Variants in COL4A6 observed in about 807,000 individuals in gnomAD.
The protein encoded by COL4A6 is collagen type IV alpha 6 chain, also known as collagen alpha-6(IV) chain.
COL4A6 carries 59 observed loss-of-function variants against 126.7 expected under a neutral mutation model. The observed-to-expected ratio is 0.47, with a 90% CI of 0.38 to 0.58. The LOEUF is 0.58. Among genes scored for constraint, COL4A6 ranks in the 20% least tolerant of loss-of-function variants. The pLI, the probability that COL4A6 is intolerant of heterozygous loss-of-function variation, is 0.00. For missense variants in COL4A6, 1,285 were observed against 1,337.3 expected (o/e 0.96, Z 0.61); for synonymous variants, 547 against 496.6 (o/e 1.10, Z -1.35).
At chrX:108,378,798 CTATT>C (rs2040499590) in intron 2 of COL4A6, among the ~76,000 whole-genome samples, 1 of 113,309 alleles carries the variant, frequency 8.8e-6, no homozygotes, top group Non-Finnish European at 1.9e-5. Flanking sequence ...TTGATGCTAC[CTATT>C]TTTGTAAATA....
At chrX:108,422,907 G>T (rs2064007145) in intron 2 of COL4A6, among the ~76,000 whole-genome samples, 1 of 111,543 alleles carries the variant, frequency 9.0e-6, no homozygotes, top group African/African-American at 3.3e-5. Context: ...TGCAGTAGAG[G>T]GATTTGGCAG....
intron 9 of COL4A6, chrX:108,206,289 C>A: frequency 2.0e-6 from 1 of 508,956 alleles, no homozygotes; most frequent in Non-Finnish European, 3.6e-6. Flanking sequence ...TTAGGTTGAG[C>A]TAGGGTGGGA....
intron 3 of COL4A6, among the ~76,000 whole-genome samples, chrX:108,222,390 G>A (rs2036043046): frequency 8.9e-6 from 1 of 112,219 alleles, no homozygotes. Context: ...TTTACTGACT[G>A]TCCATCATTT....
At chrX:108,418,074 T>A (rs963397244) in intron 2 of COL4A6, among the ~76,000 whole-genome samples, 9 of 112,021 alleles carry the variant, frequency 8.0e-5, no homozygotes, top group Admixed American at 2.8e-4. Flanking sequence ...CAAGAACATA[T>A]TTGCAGACAC....
intron 2 of COL4A6, among the ~76,000 whole-genome samples, chrX:108,314,002 T>C (rs902666439): frequency 8.9e-6 from 1 of 112,198 alleles, no homozygotes; most frequent in African/African-American, 3.2e-5. Context: ...GTTTTATTTG[T>C]AACAAGAAAA....
rs186227311 is a variant in COL4A6 at position 108,187,093 on chromosome X, C to T, written c.1951+3G>A. ...TCCAAAGCCATCTGATTCTATGACT[C>T]ACCCTTAGATCCGGGAAGGCCTTGT... On this transcript the variant is annotated splice_donor_region_variant and intron_variant, in intron 23 of 44. Coordinates refer to ENST00000334504, the MANE Select transcript of COL4A6 (RefSeq NM_033641.4). 9.8e-6 allele frequency: 11 copies of T among 1,127,004 alleles called. No homozygotes were observed. The South Asian group carries it at 1.4e-4, about 14-fold the overall frequency. The allele number at this position is 1,127,004 out of a possible 1,213,427, so 92.9% of individuals were successfully genotyped here.
intron 37 of COL4A6, among the ~76,000 whole-genome samples, chrX:108,168,472 C>T (rs2034198193): frequency 1.8e-5 from 2 of 112,288 alleles, no homozygotes; most frequent in Admixed American, 9.4e-5. Context: ...CACAAACATG[C>T]ACATAAACAA....
chrX:108,326,068 G>GCCAGT (rs1169361401), intron 2 of COL4A6, among the ~76,000 whole-genome samples: 1 of 111,642 alleles, frequency 9.0e-6, no homozygotes, highest in Non-Finnish European at 1.9e-5. Flanking sequence ...ACAGGTTCTA[G>GCCAGT]CCAGTGCAAA....
intron 3 of COL4A6, among the ~76,000 whole-genome samples, chrX:108,304,841 T>C (rs1010751032): frequency 9.0e-6 from 1 of 111,713 alleles, no homozygotes; most frequent in Non-Finnish European, 1.9e-5. Flanking sequence ...CTGCCCCAGC[T>C]CTTTGCCTTC....
In COL4A6 at chrX:108,214,146, C is replaced by CTGTTGGATAG. The variant is rs752603019; in HGVS notation, c.406_407insCTATCCAACA (p.Gly136AlafsTer6). 3.3e-6 allele frequency: 4 copies of CTGTTGGATAG among 1,209,793 alleles called. No homozygotes were observed. In the Admixed American group the frequency reaches 8.7e-5, roughly 26 times the overall value. The stretch of plus-strand genomic sequence containing the variant: ...GAGAAGCCCAGGATAGCCATCAGGG[C>CTGTTGGATAG]CTGGAAATCCAACAGCTCCTTGAGT... On this transcript the variant is annotated frameshift_variant, in exon 6 of 45. Coordinates refer to ENST00000334504, the MANE Select transcript of COL4A6 (RefSeq NM_033641.4). LOFTEE classifies it high-confidence loss of function.
At chrX:108,384,807 G>A (rs1390696014) in intron 2 of COL4A6, among the ~76,000 whole-genome samples, 1 of 111,917 alleles carries the variant, frequency 8.9e-6, no homozygotes, top group African/African-American at 3.2e-5. Context: ...CTTGTCTAAG[G>A]TCACATGGGG....
Position 108,398,667 on chromosome X carries a change from C to G in COL4A6, c.63+39275G>C, listed in dbSNP as rs770264540. Among the ~76,000 whole-genome samples the G allele has an allele frequency of 7.2e-5, 8 of 110,795 alleles. No homozygotes were observed. The South Asian group carries it at 3.1e-3, about 43-fold the overall frequency. ...AACTAAAATAGGACCTATAGGATTA[C>G]CAAAAAAGTAGGTTACATTGAAATA... On this transcript the variant is annotated intron_variant, in intron 2 of 44. Coordinates refer to ENST00000334504, the MANE Select transcript of COL4A6 (RefSeq NM_033641.4).
At chrX:108,172,596 C>T (rs1001511229) in intron 31 of COL4A6, 64 bp from the exon 32 acceptor site, 1 of 866,231 alleles carries the variant, frequency 1.2e-6, no homozygotes, top group South Asian at 2.5e-5. Context: ...CCTCTTACTT[C>T]CTCACCCCTC....
chrX:108,191,801 A>G (rs1200838455), intron 18 of COL4A6, among the ~76,000 whole-genome samples: 1 of 111,225 alleles, frequency 9.0e-6, no homozygotes, highest in Non-Finnish European at 1.9e-5. Flanking sequence ...CTAGCCTTTC[A>G]TTTCTTGATT....
In COL4A6 at chrX:108,175,897, G is replaced by A. The variant is rs771194545; in HGVS notation, c.2687-100C>T. On this transcript the variant is annotated intron_variant, in intron 28 of 44. Coordinates refer to ENST00000334504, the MANE Select transcript of COL4A6 (RefSeq NM_033641.4). ...AACTTGCCCAAAGTCATACAGCAAGGAAGTTGCAGAGAAGGAATTCAAACC... is the reference window on the plus strand; with the variant it reads ...AACTTGCCCAAAGTCATACAGCAAGAAAGTTGCAGAGAAGGAATTCAAACC... 2.5e-5 allele frequency: 17 copies of A among 667,047 alleles called. No individual in the cohort carries two copies. In the South Asian group the frequency reaches 4.5e-4, roughly 18 times the overall value. The allele number at this position is 667,047 out of a possible 1,213,427, so 55.0% of individuals were successfully genotyped here. A position where few individuals can be genotyped will look rare whatever the true frequency, so the allele number is the denominator to read the frequency against.
chrX:108,211,267 C>T (rs2035693557), intron 7 of COL4A6, among the ~76,000 whole-genome samples: 1 of 112,046 alleles, frequency 8.9e-6, no homozygotes, highest in African/African-American at 3.2e-5. Context: ...AGGGCAGAAC[C>T]AGGATCTTTG....
chrX:108,275,493 T>A (rs1257958625), intron 3 of COL4A6, among the ~76,000 whole-genome samples: 3 of 112,588 alleles, frequency 2.7e-5, no homozygotes, highest in African/African-American at 9.7e-5. Context: ...CTGTATGAGT[T>A]AATTCTTGAT....
At chrX:108,354,487 T>A (rs1291825368) in intron 2 of COL4A6, among the ~76,000 whole-genome samples, 1 of 111,319 alleles carries the variant, frequency 9.0e-6, no homozygotes, top group East Asian at 2.8e-4. Context: ...TTTTGAACCC[T>A]GTGACTTGGA....
At chrX:108,216,859 C>A (rs2035871728) in intron 5 of COL4A6, among the ~76,000 whole-genome samples, 1 of 112,830 alleles carries the variant, frequency 8.9e-6, no homozygotes, top group Non-Finnish European at 1.9e-5. Context: ...ATTTACAAGT[C>A]TCCAGGCAGG....
Sources: gnomAD v4.1 joint callset for allele counts (sites outside exome capture counted in the v4.1 genomes callset) on GRCh38, gnomAD v4.1.1 for gene constraint, MANE v1.5 for transcripts, NCBI Gene and HGNC (gene_info 2026-07-23, HGNC 2026-07-21) for gene names.